The following MOCS1 variants were observed in gnomAD, a reference collection of about 807,000 sequenced individuals.
MOCS1 encodes molybdenum cofactor synthesis 1.
A neutral mutation model predicts 57.6 loss-of-function variants in MOCS1; 39 were observed. That is an observed-to-expected ratio of 0.68 (90% confidence interval 0.52 to 0.88). The LOEUF (loss-of-function observed/expected upper bound fraction) is 0.88. Among genes scored for constraint, MOCS1 ranks in the 40% least tolerant of loss-of-function variants. The probability of loss-of-function intolerance (pLI) is 0.00; values close to 1 mark genes in which losing one functional copy is unlikely to be tolerated. For missense variants in MOCS1, 795 were observed against 831.1 expected, an observed-to-expected ratio of 0.96 and a Z score of 0.53; for synonymous variants, 334 against 335.7, an observed-to-expected ratio of 1.00 and a Z score of 0.05.
rs1474119893 is a variant in MOCS1 at position 39,905,405 on chromosome 6, T to G, written c.*952A>C. ...AGGCCTTTCCAGGTCCCTCCTCTTC[T>G]TCCCTCAGGGAACTGTGTCTTGGGA... is the stretch of plus-strand genomic sequence containing the variant. On this transcript the variant is annotated 3_prime_UTR_variant, in exon 11 of 11. Transcript: ENST00000340692. 2 of 468,996 alleles carry G rather than the reference T, an allele frequency of 4.3e-6. No homozygotes were observed. The highest frequency in any genetic ancestry group is 4.0e-5 in the African/African-American group (2 of 50,040). 29.1% of individuals were successfully genotyped at this position (468,996 alleles called of 1,614,324 possible).
At chr6:39,928,516 A>G (rs1001538895) in intron 1 of MOCS1, among the ~76,000 whole-genome samples, 2 of 152,008 alleles carry the variant, frequency 1.3e-5, no homozygotes, top group Non-Finnish European at 2.9e-5. Flanking sequence ...GTCCAAGAAG[A>G]TAGGGAGGAT....
At chr6:39,923,546 T>C (rs1768095076) in intron 3 of MOCS1, among the ~76,000 whole-genome samples, 1 of 152,220 alleles carries the variant, frequency 6.6e-6, no homozygotes, top group Non-Finnish European at 1.5e-5. Context: ...TGCCCGCGGG[T>C]GCCAGGGAGA....
chr6:39,934,186 C>T, intron 1 of MOCS1, 109 bp downstream of exon 1: 1 of 1,390,174 alleles, frequency 7.2e-7, no homozygotes, highest in Non-Finnish European at 9.5e-7. Flanking sequence ...CAACGGGTCC[C>T]TCCCAGAAGC....
At position 39,926,028 on chromosome 6, in the gene MOCS1, T is replaced by G. The variant is rs1302206217; in HGVS notation, c.251-183A>C. ...GCCAGCATCTCCCCAGGCCTCACCT[T>G]TCTCATTTCTGAAACGTTAACACCT... On this transcript the variant is annotated intron_variant, in intron 2 of 10. Transcript: ENST00000340692. Among the ~76,000 whole-genome samples the G allele has an allele frequency of 2.0e-5, 3 of 152,166 alleles. No homozygotes were observed. In the East Asian group the frequency reaches 5.8e-4, roughly 29 times the overall value.
chr6:39,922,856 G>A lies in MOCS1; in HGVS notation c.418+2822C>T, dbSNP rs567948100. Among the ~76,000 whole-genome samples, 69 of 152,326 alleles carry A rather than the reference G, an allele frequency of 4.5e-4. 2 individuals are homozygous for A. The highest frequency in any genetic ancestry group is 2.2e-4 in the Non-Finnish European group (15 of 68,028). ...GGGGCCCCTCAAAACCCTCACGTGA[G>A]AGGGTAGGCACAAGTGTTCGTGAAC... is the stretch of plus-strand genomic sequence containing the variant. On this transcript the variant is annotated intron_variant, in intron 3 of 10. Coordinates refer to ENST00000340692, the MANE Select transcript of MOCS1 (RefSeq NM_001358530.2).
chr6:39,933,274 A>C (rs1325432493), intron 1 of MOCS1, among the ~76,000 whole-genome samples: 1 of 152,174 alleles, frequency 6.6e-6, no homozygotes, highest in Non-Finnish European at 1.5e-5. Context: ...CCTTTTCTTG[A>C]ATTCTTTAAA....
intron 1 of MOCS1, among the ~76,000 whole-genome samples, chr6:39,931,640 A>C (rs547358263): frequency 6.6e-6 from 1 of 151,376 alleles, no homozygotes; most frequent in East Asian, 2.0e-4. Context: ...ACCTCCTGAA[A>C]GCCCTCTTTC....
chr6:39,915,743 C>G (rs892269616), intron 4 of MOCS1, among the ~76,000 whole-genome samples: 1 of 152,078 alleles, frequency 6.6e-6, no homozygotes, highest in African/African-American at 2.4e-5. Flanking sequence ...CAGAGCTCAT[C>G]GTAGAATGAC....
chr6:39,923,437 G>A (rs1312576188), intron 3 of MOCS1, among the ~76,000 whole-genome samples: 3 of 152,194 alleles, frequency 2.0e-5, no homozygotes, highest in Admixed American at 6.5e-5. Flanking sequence ...GGAGAGCCCC[G>A]AGTCCTCATA....
chr6:39,920,363 A>G (rs576524741), intron 3 of MOCS1, among the ~76,000 whole-genome samples: 18 of 152,324 alleles, frequency 1.2e-4, no homozygotes, highest in African/African-American at 3.4e-4. Flanking sequence ...GTAATGCCAC[A>G]TTGTTTTCCA....
chr6:39,906,992 C>T lies in MOCS1; in HGVS notation c.1276G>A (p.Gly426Arg). The T allele has an allele frequency of 2.5e-6, 4 of 1,614,098 alleles. No individual in the cohort carries two copies. The highest frequency in any genetic ancestry group is 3.4e-6 in the Non-Finnish European group (4 of 1,179,986). ...FSSQVATLWK[G>R]CRVPQTPPLA... Reference sequence around the variant, plus strand: ...GGAGGGGTCTGGGGGACCCTGCATCCTTTCCATAAAGTGGCCACCTGGCTG... The same window carrying T: ...GGAGGGGTCTGGGGGACCCTGCATCTTTTCCATAAAGTGGCCACCTGGCTG... The change falls in exon 11 of 11, where the codon GGA becomes AGA. Residue 426 changes from glycine to arginine, a missense_variant. Gly to Arg is a moderately radical substitution (Grantham distance 125). Around this residue, in one of 3 missense-constraint regions of MOCS1, gnomAD observed 374 missense variants for 422.6 expected, o/e 0.89. Transcript: ENST00000340692.
At chr6:39,922,462 G>A (rs981514224) in intron 3 of MOCS1, among the ~76,000 whole-genome samples, 4 of 152,122 alleles carry the variant, frequency 2.6e-5, no homozygotes, top group Non-Finnish European at 5.9e-5. Context: ...TTTTATGTGT[G>A]GCCTCAGACA....
chr6:39,927,351 G>A lies in MOCS1; in HGVS notation c.228C>T (p.Leu76=), dbSNP rs762581549. The change falls in exon 2 of 11, where the codon CTC becomes CTT. Residue 76 remains leucine, a synonymous_variant. Coordinates refer to ENST00000340692, the MANE Select transcript of MOCS1 (RefSeq NM_001358530.2). ...CACATCTGAGGTTGCACTTCTCTGT[G>A]AGGGAGATCCGCAGGTAGCTGTGCT... ...GRQHSYLRIS[L]TEKCNLRCQY... 5 of 1,612,052 alleles carry A rather than the reference G, an allele frequency of 3.1e-6. No homozygotes were observed. The highest frequency in any genetic ancestry group is 2.2e-5 in the South Asian group (2 of 91,064).
intron 8 of MOCS1, among the ~76,000 whole-genome samples, chr6:39,910,817 C>T (rs1767279231): frequency 6.6e-6 from 1 of 152,186 alleles, no homozygotes; most frequent in Admixed American, 6.5e-5. Context: ...CACCTGGTAC[C>T]ACCCTCCCCT....
chr6:39,918,594 T>G (rs571004020), intron 3 of MOCS1, among the ~76,000 whole-genome samples: 1 of 152,218 alleles, frequency 6.6e-6, no homozygotes, highest in South Asian at 2.1e-4. Context: ...ACTGGTTAAA[T>G]TATGTTTTCT....
Position 39,907,011 on chromosome 6 carries a change from C to A in MOCS1, c.1257G>T (p.Gln419His). 6.2e-7 allele frequency: 1 copy of A among 1,613,958 alleles called. No homozygotes were observed. Among genetic ancestry groups the A allele is most frequent in the South Asian group, 1.1e-5 (1 of 91,080 alleles). ...TGCATCCTTTCCATAAAGTGGCCAC[C>A]TGGCTGGAGAAACTCATTCTGGGTC... is the stretch of plus-strand genomic sequence containing the variant. The part of the protein sequence containing the change: ...GLRPRMSFSS[Q>H]VATLWKGCRV... The change falls in exon 11 of 11, where the codon CAG (glutamine) becomes CAT (histidine). Residue 419 changes from glutamine (Q) to histidine (H), a missense_variant. This residue lies in a region of MOCS1 where 374 missense variants were observed against 422.6 expected (regional missense o/e 0.89). Transcript: ENST00000340692.
rs556296777 is a variant in MOCS1, at chr6:39,929,090, G to A, written c.124-1635C>T. On this transcript the variant is annotated intron_variant, in intron 1 of 10. Coordinates refer to ENST00000340692, the MANE Select transcript of MOCS1 (RefSeq NM_001358530.2). Reference sequence around the variant, plus strand: ...TGGCTCAAAGATAAGAGACATGAGAGTATGTGTGAAGCTGCTCTTGATTTT... The same window carrying A: ...TGGCTCAAAGATAAGAGACATGAGAATATGTGTGAAGCTGCTCTTGATTTT... Among the ~76,000 whole-genome samples, 15 of 152,304 alleles carry A rather than the reference G, an allele frequency of 9.8e-5. 1 individual carries two copies. The South Asian group carries it at 2.9e-3, about 29-fold the overall frequency.
chr6:39,926,841 A>C (rs2149421131), intron 2 of MOCS1, among the ~76,000 whole-genome samples: 1 of 148,438 alleles, frequency 6.7e-6, no homozygotes, highest in East Asian at 2.0e-4. Flanking sequence ...ACAGATCCAG[A>C]GCACTCTTTG....
In MOCS1 at chr6:39,909,331, A is replaced by G. The variant is rs1318814210; in HGVS notation, c.1103-229T>C. Among the ~76,000 whole-genome samples the G allele has an allele frequency of 9.5e-5, 11 of 115,322 alleles. No individual in the cohort carries two copies. In the Admixed American group the frequency reaches 1.0e-3, roughly 11 times the overall value. 75.7% of individuals were successfully genotyped at this position (115,322 alleles called of 152,430 possible). A position where few individuals can be genotyped will look rare whatever the true frequency, so the allele number is the denominator to read the frequency against. On this transcript the variant is annotated intron_variant, in intron 9 of 10. Coordinates refer to ENST00000340692, the MANE Select transcript of MOCS1 (RefSeq NM_001358530.2). ...GGAGAGGAAAGCAGGGGAAGGGGAG[A>G]GGGAGAGGAAAGCAGGGGAGCGGGA... is the stretch of plus-strand genomic sequence containing the variant.
Sources: allele counts gnomAD v4.1 joint callset (sites outside exome capture counted in the v4.1 genomes callset), GRCh38; gene constraint gnomAD v4.1.1; regional missense constraint gnomAD v4.1.1; transcripts MANE v1.5; gene names NCBI Gene and HGNC (gene_info 2026-07-23, HGNC 2026-07-21).